The following TSHZ3 variants were observed in gnomAD, a reference collection of about 807,000 sequenced individuals.
The protein encoded by TSHZ3 is teashirt zinc finger homeobox 3, also known as teashirt homolog 3.
Under a neutral mutation model 64.5 loss-of-function variants are expected in TSHZ3, and 10 were observed. The observed-to-expected ratio is 0.16, with a 90% CI of 0.10 to 0.26. The LOEUF (loss-of-function observed/expected upper bound fraction) is 0.26. TSHZ3 is among the 10% of genes least tolerant of loss of function. The pLI is 1.00. For synonymous variants in TSHZ3, 608 were observed against 593.1 expected (o/e 1.03, Z -0.36); for missense variants, 1,242 against 1,421.7 (o/e 0.87, Z 2.03).
chr19:31,236,231 G>A (rs964313960), intron 3 of TSHZ3, among the ~76,000 whole-genome samples: 1 of 152,138 alleles, frequency 6.6e-6, no homozygotes, highest in Non-Finnish European at 1.5e-5. Flanking sequence ...TTCCACAATG[G>A]CTGTACCATT....
chr19:31,195,083 A>G (rs1417521831), intron 5 of TSHZ3, among the ~76,000 whole-genome samples: 1 of 152,142 alleles, frequency 6.6e-6, no homozygotes, highest in Non-Finnish European at 1.5e-5. Context: ...AGAGAATAAT[A>G]TCTGAGAACT....
chr19:31,285,283 C>T (rs1030703435), intron 1 of TSHZ3, among the ~76,000 whole-genome samples: 9 of 151,766 alleles, frequency 5.9e-5, no homozygotes, highest in African/African-American at 2.2e-4. Flanking sequence ...AATTCAAGAC[C>T]AGCCTGGGCA....
intron 1 of TSHZ3, among the ~76,000 whole-genome samples, chr19:31,255,470 G>A (rs1975897403): frequency 6.6e-6 from 1 of 152,100 alleles, no homozygotes; most frequent in African/African-American, 2.4e-5. Context: ...ATCATACCCG[G>A]CCTTATTTTC....
chr19:31,283,648 TGTC>T (rs1976403967), intron 1 of TSHZ3, among the ~76,000 whole-genome samples: 1 of 152,196 alleles, frequency 6.6e-6, no homozygotes, highest in Non-Finnish European at 1.5e-5. Context: ...CTCGGCTACA[TGTC>T]TATCATTTTA....
intron 1 of TSHZ3, among the ~76,000 whole-genome samples, chr19:31,244,183 G>A (rs1268148236): frequency 6.6e-6 from 1 of 152,126 alleles, no homozygotes; most frequent in Non-Finnish European, 1.5e-5. Flanking sequence ...GTTGGAGGTG[G>A]GGCCTGGTGG....
chr19:31,203,992 G>C (rs1007384382), intron 5 of TSHZ3, among the ~76,000 whole-genome samples: 1 of 152,128 alleles, frequency 6.6e-6, no homozygotes, highest in Non-Finnish European at 1.5e-5. Context: ...GGCGGAAGGT[G>C]AAGGGGAAGC....
At chr19:31,169,685 A>G (rs1599557919) in intron 5 of TSHZ3, among the ~76,000 whole-genome samples, 1 of 151,858 alleles carries the variant, frequency 6.6e-6, no homozygotes, top group Non-Finnish European at 1.5e-5. Context: ...GGAGACACAG[A>G]CTCCCTGAGT....
At chr19:31,160,664 G>A (rs533212473) in intron 5 of TSHZ3, among the ~76,000 whole-genome samples, 1 of 151,648 alleles carries the variant, frequency 6.6e-6, no homozygotes, top group Admixed American at 6.6e-5. Context: ...AAACACACAG[G>A]CACACATACA....
intron 3 of TSHZ3, among the ~76,000 whole-genome samples, chr19:31,239,302 T>A (rs1232778808): frequency 2.0e-5 from 3 of 152,148 alleles, no homozygotes; most frequent in Non-Finnish European, 4.4e-5. Context: ...TTATGAGTAA[T>A]TTAAATAAAT....
intron 5 of TSHZ3, among the ~76,000 whole-genome samples, chr19:31,183,572 C>T (rs1215458000): frequency 6.6e-6 from 1 of 152,134 alleles, no homozygotes. Context: ...TGGAAGGCCA[C>T]AGAAAGGCAG....
chr19:31,313,479 G>A (rs373505490), intron 1 of TSHZ3, among the ~76,000 whole-genome samples: 2 of 152,156 alleles, frequency 1.3e-5, no homozygotes, highest in Non-Finnish European at 2.9e-5. Flanking sequence ...TGCCACGTGC[G>A]GATGTGGGCA....
At chr19:31,258,785 C>CCA (rs1975947225) in intron 1 of TSHZ3, among the ~76,000 whole-genome samples, 1 of 152,216 alleles carries the variant, frequency 6.6e-6, no homozygotes, top group Admixed American at 6.5e-5. Context: ...AGGTCTCTTG[C>CCA]CACAGCTTAG....
downstream of TSHZ3, among the ~76,000 whole-genome samples, chr19:31,272,646 T>C (rs558067644): frequency 6.6e-6 from 1 of 152,310 alleles, no homozygotes; most frequent in Non-Finnish European, 1.5e-5. Context: ...AGATGTGGCA[T>C]ATTGATTTCT....
chr19:31,172,834 A>G (rs973577610), intron 5 of TSHZ3, among the ~76,000 whole-genome samples: 1 of 152,218 alleles, frequency 6.6e-6, no homozygotes, highest in Non-Finnish European at 1.5e-5. Context: ...ATCTAGAAGA[A>G]GAGAATCTTA....
intron 1 of TSHZ3, among the ~76,000 whole-genome samples, chr19:31,295,042 C>T (rs995070204): frequency 1.3e-5 from 2 of 152,134 alleles, no homozygotes; most frequent in Non-Finnish European, 2.9e-5. Context: ...AACAAAAAAA[C>T]CCCTCTATGA....
intron 1 of TSHZ3, among the ~76,000 whole-genome samples, chr19:31,268,705 C>G (rs1212535533): frequency 2.6e-5 from 4 of 152,156 alleles, no homozygotes; most frequent in Non-Finnish European, 5.9e-5. Context: ...CAGGACATGA[C>G]TCCTTGGGTT....
intron 3 of TSHZ3, among the ~76,000 whole-genome samples, chr19:31,230,548 G>A (rs1379985227): frequency 2.0e-5 from 3 of 152,158 alleles, no homozygotes; most frequent in Non-Finnish European, 2.9e-5. Flanking sequence ...CTTTTTCGGG[G>A]AAATTCTTAC....
At chr19:31,347,191 T>TAA (rs5827764) in intron 1 of TSHZ3, among the ~76,000 whole-genome samples, 1 of 143,746 alleles carries the variant, frequency 7.0e-6, no homozygotes. Context: ...TGGCTTTCTT[T>TAA]AAAAAAAAAA....
chr19:31,302,357 C>T, intron 1 of TSHZ3, among the ~76,000 whole-genome samples: 1 of 152,176 alleles, frequency 6.6e-6, no homozygotes, highest in East Asian at 1.9e-4. Flanking sequence ...ACATAAGACT[C>T]CACATCATCT....
Sources: gnomAD v4.1 joint callset for allele counts (sites outside exome capture counted in the v4.1 genomes callset) on GRCh38, gnomAD v4.1.1 for gene constraint, MANE v1.5 for transcripts, NCBI Gene and HGNC (gene_info 2026-07-23, HGNC 2026-07-21) for gene names.